Variants in FGD1 observed in about 807,000 individuals in gnomAD.
FGD1 encodes FYVE, RhoGEF and PH domain-containing protein 1.
Under a neutral mutation model 65.0 loss-of-function variants are expected in FGD1, and 12 were observed. The ratio of observed to expected loss-of-function variants is 0.18; its 90% CI spans 0.12 to 0.30. The LOEUF (loss-of-function observed/expected upper bound fraction) is 0.30. FGD1 is among the 10% of genes least tolerant of loss of function. FGD1 has a pLI of 1.00. For missense variants in FGD1, 542 were observed against 837.6 expected, an observed-to-expected ratio of 0.65 and a Z score of 4.36; for synonymous variants, 333 against 343.9, an observed-to-expected ratio of 0.97 and a Z score of 0.35.
At chrX:54,492,914 CAAAA>C (rs57186509) in intron 1 of FGD1, among the ~76,000 whole-genome samples, 4 of 64,776 alleles carry the variant, frequency 6.2e-5, no homozygotes, top group African/African-American at 9.2e-5. Context: ...CATCTTGAAT[CAAAA>C]AAAAAAAAAA....
intron 8 of FGD1, among the ~76,000 whole-genome samples, chrX:54,461,634 A>G (rs1324654266): frequency 1.9e-5 from 2 of 106,164 alleles, no homozygotes; most frequent in African/African-American, 3.4e-5. Context: ...AAAGAAAAAG[A>G]AAAAAGAAAA....
At position 54,450,157 on chromosome X, in the gene FGD1, G is replaced by C. The variant is rs763929242; in HGVS notation, c.2046+114C>G. 947 of 764,252 alleles carry C rather than the reference G, an allele frequency of 1.2e-3. 4 individuals are homozygous for C. Among genetic ancestry groups the C allele is most frequent in the Non-Finnish European group, 1.7e-3 (821 of 492,385 alleles). The allele number at this position is 764,252 out of a possible 1,213,427, so 63.0% of individuals were successfully genotyped here. ...ATGGGGATAGTAAAGTTTGCTGAAA[G>C]ACAGTTGTCCAGGACCATTCTGGTT... On this transcript the variant is annotated intron_variant, in intron 13 of 17. Transcript: ENST00000375135.
intron 6 of FGD1, among the ~76,000 whole-genome samples, chrX:54,466,755 GT>G (rs59381335): frequency 6.6e-4 from 59 of 89,496 alleles, no homozygotes; most frequent in South Asian, 9.8e-4. Context: ...TTGTTTGTTT[GT>G]TTTTTTTTTT....
chrX:54,465,291 C>T (rs1922734615), intron 8 of FGD1, among the ~76,000 whole-genome samples, 160 bp downstream of exon 8: 1 of 107,449 alleles, frequency 9.3e-6, no homozygotes, highest in Non-Finnish European at 1.9e-5. Flanking sequence ...TTCAGAACCT[C>T]AATGTGGGCC....
intron 1 of FGD1, among the ~76,000 whole-genome samples, chrX:54,493,933 C>T (rs1278379519): frequency 8.9e-6 from 1 of 112,497 alleles, no homozygotes; most frequent in Non-Finnish European, 1.9e-5. Context: ...CCGGGAGCCC[C>T]CAAGGGCTTA....
At chrX:54,450,539 CAAG>C (rs1446419359) in intron 12 of FGD1, among the ~76,000 whole-genome samples, 1 of 111,326 alleles carries the variant, frequency 9.0e-6, no homozygotes, top group Non-Finnish European at 1.9e-5. Context: ...ACCCTGCCCT[CAAG>C]GAGCTCATGG....
chrX:54,487,956 C>A (rs1336602268), intron 1 of FGD1, among the ~76,000 whole-genome samples: 1 of 99,400 alleles, frequency 1.0e-5, no homozygotes, highest in African/African-American at 3.7e-5. Flanking sequence ...TCTGAAAAAA[C>A]CAACCAAACA....
chrX:54,473,782 C>T (rs758372971), intron 1 of FGD1, among the ~76,000 whole-genome samples: 5 of 110,869 alleles, frequency 4.5e-5, no homozygotes, highest in Admixed American at 9.6e-5. Flanking sequence ...GTCAGTAGTT[C>T]GAGACCAGCC....
chrX:54,472,818 AAG>A (rs1922926191), intron 1 of FGD1, among the ~76,000 whole-genome samples: 1 of 111,388 alleles, frequency 9.0e-6, no homozygotes, highest in Non-Finnish European at 1.9e-5. Flanking sequence ...GTGTGAGGAC[AAG>A]AGAGTGAGCA....
intron 13 of FGD1, 93 bp downstream of exon 13, chrX:54,450,178 T>C: frequency 1.1e-6 from 1 of 897,831 alleles, no homozygotes. Context: ...AGGACCATTC[T>C]GGTTAGCTGT....
At chrX:54,450,364 G>A in intron 12 of FGD1, 63 bp from the exon 13 acceptor site, 1 of 1,083,099 alleles carries the variant, frequency 9.2e-7, no homozygotes, top group East Asian at 3.0e-5. Flanking sequence ...AGCAATAGGA[G>A]TGGAAGAGCA....
chrX:54,468,030 G>T, intron 5 of FGD1, 98 bp from the exon 6 acceptor site: 1 of 779,663 alleles, frequency 1.3e-6, no homozygotes. Context: ...GGAGCTTTGG[G>T]ATCAGCATTG....
intron 12 of FGD1, among the ~76,000 whole-genome samples, chrX:54,453,827 A>G (rs1922432401): frequency 8.9e-6 from 1 of 111,939 alleles, no homozygotes; most frequent in Non-Finnish European, 1.9e-5. Flanking sequence ...TTAAGTTAAC[A>G]TTAACTTAAA....
chrX:54,452,266 C>CAAAAAAAAAAAAAAAAAAAAAAAAA (rs776104292), intron 12 of FGD1, among the ~76,000 whole-genome samples: 1 of 28,825 alleles, frequency 3.5e-5, no homozygotes, highest in African/African-American at 1.0e-4. Flanking sequence ...GACCCTATCT[C>CAAAAAAAAAAAAAAAAAAAAAAAAA]AAAAAAAAAA....
chrX:54,458,841 G>A, intron 8 of FGD1, among the ~76,000 whole-genome samples: 1 of 111,934 alleles, frequency 8.9e-6, no homozygotes, highest in South Asian at 3.7e-4. Context: ...AGCTCCCTAG[G>A]ACAGGGCCAA....
At position 54,455,914 on chromosome X, in the gene FGD1, CAG is replaced by C. The variant is rs1407252603; in HGVS notation, c.1843-132_1843-131del. The C allele has an allele frequency of 1.2e-5, 7 of 595,619 alleles. No individual in the cohort carries two copies. The East Asian group carries it at 2.1e-4, about 18-fold the overall frequency. 49.1% of individuals were successfully genotyped at this position (595,619 alleles called of 1,213,427 possible). ...GAGAAAAGACAGCCCAAATTGGGCA[CAG>C]GGGTCACAAGGAAAGAGCCTAGGCA... is the stretch of plus-strand genomic sequence containing the variant. On this transcript the variant is annotated intron_variant, in intron 10 of 17. Coordinates refer to ENST00000375135, the MANE Select transcript of FGD1 (RefSeq NM_004463.3).
chrX:54,489,572 A>G (rs1350716262), intron 1 of FGD1, among the ~76,000 whole-genome samples: 1 of 109,417 alleles, frequency 9.1e-6, no homozygotes, highest in African/African-American at 3.3e-5. Flanking sequence ...GTGACAGAGA[A>G]AAAAAAAAAG....
chrX:54,471,676 TG>T (rs1485493699), intron 1 of FGD1, among the ~76,000 whole-genome samples, 189 bp from the exon 2 acceptor site: 2 of 111,420 alleles, frequency 1.8e-5, no homozygotes, highest in Non-Finnish European at 3.8e-5. Context: ...GACCCAGGGC[TG>T]GGGCTGGCTG....
chrX:54,459,496 A>G (rs1012144429), intron 8 of FGD1, among the ~76,000 whole-genome samples: 1 of 110,391 alleles, frequency 9.1e-6, no homozygotes, highest in Non-Finnish European at 1.9e-5. Context: ...ATGGCCTGGT[A>G]TGGGGAGATT....
Sources: allele counts gnomAD v4.1 joint callset (sites outside exome capture counted in the v4.1 genomes callset), GRCh38; gene constraint gnomAD v4.1.1; transcripts MANE v1.5; gene names NCBI Gene and HGNC (gene_info 2026-07-23, HGNC 2026-07-21).